STARD3: variants seen among roughly 807,000 people sequenced by gnomAD.
The protein encoded by STARD3 is StAR related lipid transfer domain containing 3.
Under a neutral mutation model 62.0 loss-of-function variants are expected in STARD3, and 39 were observed. That is an observed-to-expected ratio of 0.63 (90% CI 0.49 to 0.82). The LOEUF (loss-of-function observed/expected upper bound fraction) is 0.82, where lower values mean the gene tolerates loss of function less well. Ranked by LOEUF, STARD3 falls within the 40% of genes least tolerant of loss-of-function variation. The pLI, the probability that STARD3 is intolerant of heterozygous loss-of-function variation, is 0.00. For synonymous variants in STARD3, 229 were observed against 242.4 expected (o/e 0.94, Z 0.51); for missense variants, 543 against 584.5 (o/e 0.93, Z 0.73).
At position 39,660,286 on chromosome 17, in the gene STARD3, A is replaced by T; in HGVS notation, c.858+13A>T. 1 of 1,613,816 alleles carries T rather than the reference A, an allele frequency of 6.2e-7. No individual in the cohort carries two copies. Among genetic ancestry groups the T allele is most frequent in the Non-Finnish European group, 8.5e-7 (1 of 1,179,982 alleles). The stretch of plus-strand genomic sequence containing the variant: ...GTTTATCCTGAAGGTGAGTGAGGGG[A>T]GCGGGTGTCCTGGAGCCCCAGACAG... On this transcript the variant is annotated intron_variant, in intron 10 of 14. Transcript: ENST00000336308. The surrounding 1 kb of genome is among the most constrained non-coding windows in gnomAD (Gnocchi z 4.8).
chr17:39,659,003 A>T (rs775196090), intron 7 of STARD3, 48 bp from the exon 8 acceptor site: 1 of 1,608,838 alleles, frequency 6.2e-7, no homozygotes, highest in South Asian at 1.1e-5. Flanking sequence ...ACCTCCCCAC[A>T]CTCTCTCCCC....
Position 39,662,333 on chromosome 17 carries a change from A to G in STARD3, c.1222A>G (p.Thr408Ala). ...RVCTFVWILN[T>A]DLKGRLPRYL... Reference sequence around the variant, plus strand: ...TTGCACCTTTGTCTGGATTCTTAATACAGATCTCAAGGTGGGGTGCTGGGG... The same window carrying G: ...TTGCACCTTTGTCTGGATTCTTAATGCAGATCTCAAGGTGGGGTGCTGGGG... Residue 408 changes from threonine (T) to alanine (A), a missense_variant, in exon 14 of 15, where the codon ACA becomes GCA. Coordinates refer to ENST00000336308, the MANE Select transcript of STARD3 (RefSeq NM_006804.4). 2 of 1,613,812 alleles carry G rather than the reference A, an allele frequency of 1.2e-6. No homozygotes were observed. The highest frequency in any genetic ancestry group is 1.7e-6 in the Non-Finnish European group (2 of 1,179,896).
chr17:39,662,657 C>T, intron 14 of STARD3, 147 bp from the exon 15 acceptor site: 1 of 746,146 alleles, frequency 1.3e-6, no homozygotes, highest in Non-Finnish European at 2.2e-6. Context: ...TTCTTCCTGC[C>T]AGGGGTGAGT....
chr17:39,659,002 C>T (rs370496778), intron 7 of STARD3, 49 bp from the exon 8 acceptor site: 4 of 1,611,582 alleles, frequency 2.5e-6, no homozygotes, highest in Admixed American at 1.7e-5. Flanking sequence ...TACCTCCCCA[C>T]ACTCTCTCCC....
Position 39,662,922 on chromosome 17 carries a change from C to T in STARD3, c.*14C>T, listed in dbSNP as rs1286473719. The T allele has an allele frequency of 6.2e-7, 1 of 1,604,342 alleles. No homozygotes were observed. Among genetic ancestry groups the T allele is most frequent in the Non-Finnish European group, 8.5e-7 (1 of 1,175,544 alleles). On this transcript the variant is annotated 3_prime_UTR_variant, in exon 15 of 15. Transcript: ENST00000336308. ...GCCCGGGCGTGACTGTGCCCCCTCC[C>T]ACCCTGCGGGCCAGGGTCCTGTCGC...
chr17:39,661,177 C>A, intron 13 of STARD3, 92 bp downstream of exon 13: 1 of 1,171,174 alleles, frequency 8.5e-7, no homozygotes, highest in Non-Finnish European at 1.2e-6. Context: ...CTGGGCACTT[C>A]CCCTGCTGAG....
rs397857339 is a variant in STARD3, at chr17:39,663,469, TAA to T, written c.*575_*576del. 2.0e-4 allele frequency: 29 copies of T among 144,274 alleles called. No homozygotes were observed. The highest frequency in any genetic ancestry group is 2.4e-4 in the Non-Finnish European group (16 of 66,698). The allele number at this position is 144,274 out of a possible 1,614,324, so 8.9% of individuals were successfully genotyped here. On this transcript the variant is annotated 3_prime_UTR_variant, in exon 15 of 15. Coordinates refer to ENST00000336308, the MANE Select transcript of STARD3 (RefSeq NM_006804.4). Reference sequence around the variant, plus strand: ...ATTAAGCCAATTAAAAACATGAATTTAAAAAAAAAAAAAAATTCCAGCCCCTC... The same window carrying T: ...ATTAAGCCAATTAAAAACATGAATTTAAAAAAAAAAAAATTCCAGCCCCTC...
Position 39,655,980 on chromosome 17 carries a change from AAG to A in STARD3, c.220-1025_220-1024del, listed in dbSNP as rs371514026. Among the ~76,000 whole-genome samples, 385 of 115,208 alleles carry A rather than the reference AAG, an allele frequency of 3.3e-3. 3 individuals are homozygous for A. The Middle Eastern group carries it at 0.084, about 25-fold the overall frequency. 75.6% of individuals were successfully genotyped at this position (115,208 alleles called of 152,430 possible). A position where few individuals can be genotyped will look rare whatever the true frequency, so the allele number is the denominator to read the frequency against. On this transcript the variant is annotated intron_variant, in intron 2 of 14. Coordinates refer to ENST00000336308, the MANE Select transcript of STARD3 (RefSeq NM_006804.4). ...GAGCCCAGGGCAGAGTCTGAGGAGC[AAG>A]AGGAGTGCTGGGTGGTGTGGGTTGG...
At position 39,653,600 on chromosome 17, in the gene STARD3, C is replaced by T; in HGVS notation, c.69C>T (p.Gly23=). 1.9e-6 allele frequency: 3 copies of T among 1,612,438 alleles called. No individual in the cohort carries two copies. Among genetic ancestry groups the T allele is most frequent in the Non-Finnish European group, 2.5e-6 (3 of 1,180,028 alleles). ...ERSLPAVASL[G]SSLSHSQSLS... is the part of the protein sequence containing the mutation. ...GCCTGCCTGCCGTGGCCTCCCTGGGCTCCTCACTGTCCCACAGCCAGAGCC... is the reference window on the plus strand; with the variant it reads ...GCCTGCCTGCCGTGGCCTCCCTGGGTTCCTCACTGTCCCACAGCCAGAGCC... The change falls in exon 2 of 15, where the codon GGC becomes GGT. Residue 23 remains glycine, a synonymous_variant. Transcript: ENST00000336308.
At chr17:39,648,908 C>T (rs997346385) in intron 1 of STARD3, among the ~76,000 whole-genome samples, 6 of 152,100 alleles carry the variant, frequency 3.9e-5, no homozygotes, top group African/African-American at 1.4e-4. Context: ...CAAGTCCTGT[C>T]CCCAAGGAGA....
chr17:39,640,777 T>G (rs1296504235), intron 1 of STARD3, among the ~76,000 whole-genome samples: 1 of 152,132 alleles, frequency 6.6e-6, no homozygotes. Context: ...CTCAGTGTGT[T>G]AGGGTCTTCC....
chr17:39,652,158 G>C (rs1406177965), intron 1 of STARD3, among the ~76,000 whole-genome samples: 1 of 151,588 alleles, frequency 6.6e-6, no homozygotes, highest in Non-Finnish European at 1.5e-5. Flanking sequence ...TGTGGGCATG[G>C]GGTGGGGGGC....
chr17:39,650,018 G>A (rs145043260), intron 1 of STARD3, among the ~76,000 whole-genome samples: 1 of 152,108 alleles, frequency 6.6e-6, no homozygotes, highest in Admixed American at 6.5e-5. Context: ...GATTGCTTGA[G>A]CCCAGGACTT....
Position 39,659,110 on chromosome 17 carries a change from T to C in STARD3, c.702+4T>C, listed in dbSNP as rs1567860674. The C allele has an allele frequency of 6.2e-7, 1 of 1,614,184 alleles. No individual in the cohort carries two copies. The highest frequency in any genetic ancestry group is 2.2e-5 in the East Asian group (1 of 44,886). ...GAAGAAAAGTTTCTCTGCTCAGGTA[T>C]TTGCCTGCCTACCCCTAACCCCTGC... On this transcript the variant is annotated splice_donor_region_variant and intron_variant, in intron 8 of 14. Coordinates refer to ENST00000336308, the MANE Select transcript of STARD3 (RefSeq NM_006804.4).
At chr17:39,656,422 C>G (rs1048613503) in intron 2 of STARD3, among the ~76,000 whole-genome samples, 7 of 152,116 alleles carry the variant, frequency 4.6e-5, no homozygotes, top group Non-Finnish European at 8.8e-5. Flanking sequence ...CTCAGGGGTC[C>G]TGGTGAAAAT....
At chr17:39,639,009 A>C (rs2056960347) in intron 1 of STARD3, among the ~76,000 whole-genome samples, 2 of 152,216 alleles carry the variant, frequency 1.3e-5, no homozygotes, top group South Asian at 4.1e-4. Context: ...GCATGGTGGT[A>C]CGTGTGGGAG....
rs546733216 is a variant in STARD3 at position 39,646,427 on chromosome 17, A to AT, written c.-51-7048dup. The stretch of plus-strand genomic sequence containing the variant: ...GTTACCACGCCTGGCAAATTTTTGT[A>AT]TTTTTTGTAGAGACGGGGCTTTGTT... On this transcript the variant is annotated intron_variant, in intron 1 of 14. Coordinates refer to ENST00000336308, the MANE Select transcript of STARD3 (RefSeq NM_006804.4). Among the ~76,000 whole-genome samples, 100 of 151,810 alleles carry AT rather than the reference A, an allele frequency of 6.6e-4. 2 individuals carry two copies. The highest frequency in any genetic ancestry group is 2.3e-3 in the African/African-American group (97 of 41,366).
intron 2 of STARD3, among the ~76,000 whole-genome samples, chr17:39,654,689 G>T (rs559459448): frequency 6.6e-6 from 1 of 152,376 alleles, no homozygotes; most frequent in South Asian, 2.1e-4. Context: ...GATGACCTCA[G>T]CAAGGGACTC....
Position 39,660,195 on chromosome 17 carries a change from T to A in STARD3, c.796-16T>A. The A allele has an allele frequency of 6.2e-7, 1 of 1,613,778 alleles. No homozygotes were observed. Among genetic ancestry groups the A allele is most frequent in the Non-Finnish European group, 8.5e-7 (1 of 1,179,826 alleles). On this transcript the variant is annotated splice_polypyrimidine_tract_variant and intron_variant, in intron 9 of 14. Coordinates refer to ENST00000336308, the MANE Select transcript of STARD3 (RefSeq NM_006804.4). This position sits in a 1 kb window ranked among gnomAD's most constrained non-coding sequence, Gnocchi z 4.8. ...GCCTCCACTCTCCTCCCTGCCACCT[T>A]CTGTCCCTGCCATAGGAATATGGGG...
Sources: allele counts gnomAD v4.1 joint callset (sites outside exome capture counted in the v4.1 genomes callset), GRCh38; gene constraint gnomAD v4.1.1; non-coding constraint Gnocchi (gnomAD v3.1); transcripts MANE v1.5; gene names NCBI Gene and HGNC (gene_info 2026-07-23, HGNC 2026-07-21).